Variants in PCDH15 observed in about 807,000 individuals in gnomAD.
PCDH15 encodes protocadherin-15.
In PCDH15, 129 loss-of-function variants were observed where a neutral mutation model predicts 178.5. The observed-to-expected ratio is 0.72, with a 90% confidence interval of 0.63 to 0.84. PCDH15 has a LOEUF of 0.84. PCDH15 is among the 40% of genes least tolerant of loss of function. The pLI, the probability that PCDH15 is intolerant of heterozygous loss-of-function variation, is 0.00. For synonymous variants in PCDH15, 800 were observed against 732.0 expected (o/e 1.09, Z -1.50); for missense variants, 2,230 against 2,099.9 (o/e 1.06, Z -1.21).
At chr10:54,755,621 T>A in intron 1 of PCDH15, among the ~76,000 whole-genome samples, 1 of 152,222 alleles carries the variant, frequency 6.6e-6, no homozygotes, top group East Asian at 1.9e-4. Flanking sequence ...ATAAAGATAC[T>A]AGAGATCTTT....
intron 8 of PCDH15, among the ~76,000 whole-genome samples, chr10:54,316,559 CACACACACACACACACA>C (rs1318514564): frequency 9.3e-6 from 1 of 107,480 alleles, no homozygotes; most frequent in African/African-American, 3.7e-5. Flanking sequence ...CACACACACA[CACACACACACACACACA>C]AATACACCTT....
chr10:53,821,004 A>C (rs1564527395), intron 32 of PCDH15: 3 of 693,392 alleles, frequency 4.3e-6, no homozygotes, highest in Non-Finnish European at 5.3e-6. Context: ...TCTTATGAAA[A>C]AATTTAAATT....
chr10:54,616,305 C>T (rs956432590), intron 2 of PCDH15, among the ~76,000 whole-genome samples: 16 of 152,052 alleles, frequency 1.1e-4, no homozygotes, highest in African/African-American at 3.6e-4. Flanking sequence ...GAAAAAGCTA[C>T]TGTCCTTAGA....
At chr10:55,304,482 T>C (rs558682323) in intron 1 of PCDH15, among the ~76,000 whole-genome samples, 1 of 152,342 alleles carries the variant, frequency 6.6e-6, no homozygotes, top group South Asian at 2.1e-4. Context: ...ATGTAACTTA[T>C]ATTAACATAA....
At chr10:54,018,805 G>A (rs2092821468) in intron 20 of PCDH15, among the ~76,000 whole-genome samples, 1 of 151,664 alleles carries the variant, frequency 6.6e-6, no homozygotes, top group African/African-American at 2.4e-5. Flanking sequence ...TAAGCCCATA[G>A]ATTTCATTGT....
At chr10:54,428,336 C>T (rs1956546875) in intron 3 of PCDH15, among the ~76,000 whole-genome samples, 1 of 152,186 alleles carries the variant, frequency 6.6e-6, no homozygotes, top group East Asian at 1.9e-4. Context: ...TGGCTGAAGA[C>T]TCAGTTCAAA....
Position 54,891,217 on chromosome 10 carries a change from A to G in PCDH15, c.-29+6233T>C, listed in dbSNP as rs148054510. 5.3e-5 allele frequency among the ~76,000 whole-genome samples: 8 copies of G among 152,228 alleles called. No individual in the cohort carries two copies. The East Asian group carries it at 1.5e-3, about 29-fold the overall frequency. ...ATGTCTATTCTATTCAGATAATTAG[A>G]CAGTCTGGAAAAGATTGGAATATCT... On this transcript the variant is annotated intron_variant, in intron 3 of 5. Coordinates refer to the PCDH15 transcript ENST00000458638.
At chr10:54,229,279 T>C (rs1722868318) in intron 9 of PCDH15, among the ~76,000 whole-genome samples, 4 of 150,356 alleles carry the variant, frequency 2.7e-5, no homozygotes, top group Admixed American at 1.3e-4. Context: ...AATGTTGACT[T>C]ATATATAATA....
intron 2 of PCDH15, among the ~76,000 whole-genome samples, chr10:55,341,793 ATATATATATATATTTTTTTTTTTTTT>A (rs1844587841): frequency 6.2e-4 from 8 of 12,908 alleles, no homozygotes; most frequent in African/African-American, 1.6e-3. Context: ...ATATATATAT[ATATATATATATATTTTTTTTTTTTTT>A]TTTTTTTTTT....
At chr10:55,395,524 A>T (rs1345052076) in intron 2 of PCDH15, among the ~76,000 whole-genome samples, 1 of 152,120 alleles carries the variant, frequency 6.6e-6, no homozygotes, top group Non-Finnish European at 1.5e-5. Flanking sequence ...AATGGAATAC[A>T]TTAACATTTT....
rs1051840295 is a variant in PCDH15 at position 53,951,846 on chromosome 10, G to A, written c.3122+7886C>T. Reference sequence around the variant, plus strand: ...GGTGAGCCAGGTGCAGAGCAGCAAGGTGGGGATGAGAGTGAGTGTGGGGTC... The same window carrying A: ...GGTGAGCCAGGTGCAGAGCAGCAAGATGGGGATGAGAGTGAGTGTGGGGTC... On this transcript the variant is annotated intron_variant, in intron 23 of 37. Transcript: ENST00000644397. Among the ~76,000 whole-genome samples the A allele has an allele frequency of 5.3e-5, 8 of 152,292 alleles. No individual in the cohort carries two copies. In the South Asian group the frequency reaches 1.5e-3, roughly 28 times the overall value.
In PCDH15 at chr10:55,523,809, A is replaced by G. The variant is rs1205826659; in HGVS notation, c.-156+103816T>C. Reference sequence around the variant, plus strand: ...GGCCAACATCTATACACTAGTCTCTATTGTAGTAACACATGCTCAATTGCA... The same window carrying G: ...GGCCAACATCTATACACTAGTCTCTGTTGTAGTAACACATGCTCAATTGCA... On this transcript the variant is annotated intron_variant, in intron 2 of 5. Coordinates refer to the PCDH15 transcript ENST00000613346. Among the ~76,000 whole-genome samples the G allele has an allele frequency of 3.3e-5, 5 of 151,642 alleles. No homozygotes were observed. The Admixed American group carries it at 3.3e-4, about 10-fold the overall frequency.
chr10:55,574,879 T>C (rs540955871), intron 2 of PCDH15, among the ~76,000 whole-genome samples: 5 of 152,186 alleles, frequency 3.3e-5, no homozygotes, highest in South Asian at 2.1e-4. Flanking sequence ...GCTCCCTTTA[T>C]AGGACCTCAT....
At chr10:55,091,453 T>A (rs1247612796) in intron 2 of PCDH15, among the ~76,000 whole-genome samples, 1 of 142,964 alleles carries the variant, frequency 7.0e-6, no homozygotes, top group Non-Finnish European at 1.5e-5. Flanking sequence ...AATGCTATAG[T>A]AGAGGTCTAA....
intron 3 of PCDH15, among the ~76,000 whole-genome samples, chr10:54,892,093 G>A (rs1214156569): frequency 1.3e-5 from 2 of 152,032 alleles, no homozygotes; most frequent in Admixed American, 6.6e-5. Context: ...ACCCCCAGAC[G>A]CTACTTTAGT....
intron 28 of PCDH15, among the ~76,000 whole-genome samples, chr10:53,843,438 G>A (rs1415384884): frequency 1.3e-5 from 2 of 151,796 alleles, no homozygotes; most frequent in South Asian, 2.1e-4. Flanking sequence ...AAGAAAAAGA[G>A]ATTTGCAATG....
At chr10:54,053,560 G>T (rs1300115222) in intron 18 of PCDH15, among the ~76,000 whole-genome samples, 2 of 152,090 alleles carry the variant, frequency 1.3e-5, no homozygotes, top group African/African-American at 4.8e-5. Context: ...AAGATTTTCT[G>T]GAAAAGATTA....
At chr10:53,829,669 C>T (rs1283803948) in intron 30 of PCDH15, among the ~76,000 whole-genome samples, 2 of 152,114 alleles carry the variant, frequency 1.3e-5, no homozygotes, top group Admixed American at 1.3e-4. Flanking sequence ...GCTGTATTTG[C>T]AACTTCACAT....
intron 16 of PCDH15, among the ~76,000 whole-genome samples, chr10:54,087,435 CATA>C (rs781386491): frequency 2.0e-5 from 3 of 152,124 alleles, no homozygotes; most frequent in Non-Finnish European, 2.9e-5. Flanking sequence ...TTTCACTTAG[CATA>C]ATATTTTCAA....
Sources: allele counts gnomAD v4.1 joint callset (sites outside exome capture counted in the v4.1 genomes callset), GRCh38; gene constraint gnomAD v4.1.1; transcripts MANE v1.5; gene names NCBI Gene and HGNC (gene_info 2026-07-23, HGNC 2026-07-21).